Variants in RNF220 observed in about 807,000 individuals in gnomAD.
The protein encoded by RNF220 is E3 ubiquitin-protein ligase RNF220.
A neutral mutation model predicts 67.1 loss-of-function variants in RNF220; 7 were observed. The observed-to-expected ratio is 0.10, with a 90% confidence interval of 0.06 to 0.20. The LOEUF (loss-of-function observed/expected upper bound fraction) is 0.20. Among genes scored for constraint, RNF220 ranks in the 10% least tolerant of loss-of-function variants. The pLI is 1.00. For missense variants in RNF220, 565 were observed against 740.3 expected (o/e 0.76, Z 2.75); for synonymous variants, 270 against 283.2 (o/e 0.95, Z 0.47).
intron 2 of RNF220, among the ~76,000 whole-genome samples, chr1:44,478,168 C>T (rs1384248288): frequency 2.6e-5 from 4 of 151,932 alleles, no homozygotes; most frequent in African/African-American, 7.3e-5. Context: ...TTAGTAGAGA[C>T]GGGGTTTCAC....
intron 2 of RNF220, among the ~76,000 whole-genome samples, chr1:44,591,373 G>T (rs181673744): frequency 6.6e-6 from 1 of 152,248 alleles, no homozygotes; most frequent in Non-Finnish European, 1.5e-5. Flanking sequence ...TCGTCCATGC[G>T]CAATGCCCTT....
At chr1:44,528,182 A>C (rs1402519673) in intron 2 of RNF220, among the ~76,000 whole-genome samples, 1 of 152,218 alleles carries the variant, frequency 6.6e-6, no homozygotes, top group Non-Finnish European at 1.5e-5. Flanking sequence ...AAAAGCACTA[A>C]TAGCTCAATA....
At chr1:44,521,009 C>T (rs1659895392) in intron 2 of RNF220, among the ~76,000 whole-genome samples, 1 of 152,132 alleles carries the variant, frequency 6.6e-6, no homozygotes, top group South Asian at 2.1e-4. Context: ...GATCCTCTCA[C>T]CTCAGCCTCC....
chr1:44,648,607 C>A (rs567836920), intron 12 of RNF220: 1 of 152,334 alleles, frequency 6.6e-6, no homozygotes, highest in South Asian at 2.1e-4. Context: ...AGGTGCAGGG[C>A]TTGGCCCACA....
chr1:44,560,715 C>T (rs926359067), intron 2 of RNF220, among the ~76,000 whole-genome samples: 7 of 152,270 alleles, frequency 4.6e-5, no homozygotes, highest in Admixed American at 4.6e-4. Flanking sequence ...GTGTATGCCA[C>T]CACACCCAGA....
intron 2 of RNF220, among the ~76,000 whole-genome samples, chr1:44,518,290 T>C (rs1013091309): frequency 7.9e-5 from 12 of 152,034 alleles, no homozygotes; most frequent in Admixed American, 2.6e-4. Flanking sequence ...GCCAGAGCAG[T>C]GGTGAGCACG....
intron 2 of RNF220, among the ~76,000 whole-genome samples, chr1:44,467,476 G>T (rs1354255923): frequency 1.3e-5 from 2 of 152,216 alleles, no homozygotes; most frequent in African/African-American, 2.4e-5. Context: ...CTCCCAAAGT[G>T]CTGGGATTAC....
At chr1:44,494,205 CAAAAAA>C (rs375116674) in intron 2 of RNF220, among the ~76,000 whole-genome samples, 15 of 122,472 alleles carry the variant, frequency 1.2e-4, no homozygotes, top group East Asian at 9.1e-4. Flanking sequence ...GAAACTCTGT[CAAAAAA>C]AAAAAAAAAA....
At chr1:44,522,782 C>T (rs1419927092) in intron 2 of RNF220, among the ~76,000 whole-genome samples, 1 of 152,208 alleles carries the variant, frequency 6.6e-6, no homozygotes, top group Non-Finnish European at 1.5e-5. Flanking sequence ...ATAATTTGCT[C>T]ACAAACTTAG....
intron 2 of RNF220, among the ~76,000 whole-genome samples, chr1:44,413,865 T>G (rs1056629319): frequency 2.0e-5 from 3 of 152,250 alleles, no homozygotes; most frequent in Non-Finnish European, 4.4e-5. Flanking sequence ...CTGTCGCCAC[T>G]GCTTCGTCAG....
intron 6 of RNF220, among the ~76,000 whole-genome samples, chr1:44,633,691 C>A (rs1644239513): frequency 6.6e-6 from 1 of 152,184 alleles, no homozygotes; most frequent in Admixed American, 6.5e-5. Context: ...AGTCATTGAA[C>A]ATTGTGGTAT....
At chr1:44,413,987 A>G (rs1648270830) in intron 2 of RNF220, among the ~76,000 whole-genome samples, 1 of 152,220 alleles carries the variant, frequency 6.6e-6, no homozygotes, top group Admixed American at 6.5e-5. Context: ...TGCCTTGTAA[A>G]TCCATCGCTC....
At chr1:44,542,954 C>T (rs999493071) in intron 2 of RNF220, among the ~76,000 whole-genome samples, 7 of 152,058 alleles carry the variant, frequency 4.6e-5, no homozygotes, top group Admixed American at 2.6e-4. Flanking sequence ...CAGGGCCAGC[C>T]GCACTGGGCC....
chr1:44,642,185 T>C (rs1243682032), intron 8 of RNF220, among the ~76,000 whole-genome samples: 2 of 152,134 alleles, frequency 1.3e-5, no homozygotes, highest in East Asian at 3.9e-4. Context: ...TAAATATGAT[T>C]TTGGAGTTAC....
chr1:44,650,018 G>T lies in RNF220; in HGVS notation c.1629+61G>T, dbSNP rs995879329. On this transcript the variant is annotated intron_variant, in intron 14 of 14. Transcript: ENST00000361799. The surrounding 1 kb of genome is among the most constrained non-coding windows in gnomAD (Gnocchi z 4.3). ...CTCCGGGCACTGCCCAGATGTCTGT[G>T]CTTATGCCTGAGCCTGCCTGGGGGA... is the stretch of plus-strand genomic sequence containing the variant. The T allele has an allele frequency of 8.4e-6, 13 of 1,545,382 alleles. No homozygotes were observed. The African/African-American group carries it at 1.6e-4, about 19-fold the overall frequency.
chr1:44,428,637 C>G (rs575233206), intron 2 of RNF220, among the ~76,000 whole-genome samples: 14 of 152,266 alleles, frequency 9.2e-5, no homozygotes, highest in African/African-American at 2.9e-4. Context: ...ACGATGGATG[C>G]TCACAAACCC....
chr1:44,632,789 C>T (rs995089), intron 6 of RNF220: 59,232 of 214,798 alleles, frequency 0.28, 9,230 homozygotes, highest in Middle Eastern at 0.39. Context: ...GAATACAGCC[C>T]CTCTGCTGAG....
intron 2 of RNF220, among the ~76,000 whole-genome samples, chr1:44,485,444 A>G (rs1656203239): frequency 6.6e-6 from 1 of 152,222 alleles, no homozygotes; most frequent in South Asian, 2.1e-4. Flanking sequence ...CTGGTTAAGT[A>G]GCAGGTAGAA....
At position 44,645,161 on chromosome 1, in the gene RNF220, T is replaced by A; in HGVS notation, c.1311-60T>A. The A allele has an allele frequency of 6.2e-7, 1 of 1,612,664 alleles. No individual in the cohort carries two copies. The highest frequency in any genetic ancestry group is 8.5e-7 in the Non-Finnish European group (1 of 1,178,666). Reference sequence around the variant, plus strand: ...GCAGGGGTTAACGCAGTACTGACCCTCAGGGCTGTCCTGCCCGCCTTCAGG... The same window carrying A: ...GCAGGGGTTAACGCAGTACTGACCCACAGGGCTGTCCTGCCCGCCTTCAGG... On this transcript the variant is annotated intron_variant, in intron 10 of 14. Coordinates refer to ENST00000361799, the MANE Select transcript of RNF220 (RefSeq NM_018150.4). The surrounding 1 kb of genome is among the most constrained non-coding windows in gnomAD (Gnocchi z 5.0).
Sources: allele counts gnomAD v4.1 joint callset (sites outside exome capture counted in the v4.1 genomes callset), GRCh38; gene constraint gnomAD v4.1.1; non-coding constraint Gnocchi (gnomAD v3.1); transcripts MANE v1.5; gene names NCBI Gene and HGNC (gene_info 2026-07-23, HGNC 2026-07-21).